RGS3: variants seen among roughly 807,000 people sequenced by gnomAD.
The protein encoded by RGS3 is regulator of G-protein signalling 3.
A neutral mutation model predicts 132.6 loss-of-function variants in RGS3; 80 were observed. The ratio of observed to expected loss-of-function variants is 0.60; its 90% CI spans 0.50 to 0.73. The LOEUF (loss-of-function observed/expected upper bound fraction) is 0.73. Among genes scored for constraint, RGS3 ranks in the 30% least tolerant of loss-of-function variants. RGS3 has a pLI of 0.00. For missense variants in RGS3, 1,382 were observed against 1,530.8 expected (o/e 0.90, Z 1.62); for synonymous variants, 598 against 620.6 (o/e 0.96, Z 0.54).
intron 3 of RGS3, among the ~76,000 whole-genome samples, chr9:113,476,641 C>T (rs1165242299): frequency 1.3e-5 from 2 of 152,272 alleles, no homozygotes; most frequent in Non-Finnish European, 2.9e-5. Context: ...AATCCCGAGT[C>T]AGCCTTTGCC....
intron 17 of RGS3, among the ~76,000 whole-genome samples, chr9:113,527,837 A>G (rs1255966632): frequency 6.6e-6 from 1 of 152,056 alleles, no homozygotes; most frequent in African/African-American, 2.4e-5. Flanking sequence ...CTTTACTTCA[A>G]GTATGTGTTA....
At chr9:113,587,630 A>C in intron 20 of RGS3, among the ~76,000 whole-genome samples, 1 of 152,226 alleles carries the variant, frequency 6.6e-6, no homozygotes. Context: ...GCTGCCTGCC[A>C]CAGGGTGACA....
chr9:113,569,119 C>T (rs539062978), intron 19 of RGS3, among the ~76,000 whole-genome samples: 8 of 152,348 alleles, frequency 5.3e-5, no homozygotes, highest in African/African-American at 1.7e-4. Context: ...GTGGCTCAGG[C>T]TGCTGCCGGA....
At chr9:113,462,875 G>T (rs1014858806) in intron 3 of RGS3, among the ~76,000 whole-genome samples, 2 of 152,172 alleles carry the variant, frequency 1.3e-5, no homozygotes, top group Admixed American at 6.5e-5. Flanking sequence ...CCCATTTTTA[G>T]ATTTACACGA....
intron 19 of RGS3, among the ~76,000 whole-genome samples, chr9:113,560,109 GCTCT>G (rs1461731323): frequency 6.6e-6 from 1 of 152,210 alleles, no homozygotes; most frequent in Non-Finnish European, 1.5e-5. Flanking sequence ...CAAAGACTGT[GCTCT>G]CTCTAAATTC....
intron 23 of RGS3, 83 bp downstream of exon 21, chr9:113,595,063 TAG>T: frequency 2.2e-6 from 3 of 1,346,290 alleles, no homozygotes; most frequent in Non-Finnish European, 3.2e-6. Flanking sequence ...TAGCTGGTGC[TAG>T]AGAGGCCGCC....
chr9:113,449,366 A>T (rs1829188745), intron 1 of RGS3, among the ~76,000 whole-genome samples: 1 of 152,230 alleles, frequency 6.6e-6, no homozygotes, highest in Non-Finnish European at 1.5e-5. Context: ...TGAAGTCAAG[A>T]GGAAGAACCA....
chr9:113,553,459 A>AAAAAAAAAAATATAT (rs1426114805), intron 19 of RGS3, among the ~76,000 whole-genome samples: 7 of 58,696 alleles, frequency 1.2e-4, no homozygotes, highest in East Asian at 4.3e-4. Context: ...AAAAAAAAAA[A>AAAAAAAAAAATATAT]ATATATATAT....
intron 19 of RGS3, chr9:113,541,408 G>C (rs1322525075): frequency 1.2e-6 from 2 of 1,613,770 alleles, no homozygotes; most frequent in Non-Finnish European, 1.7e-6. Context: ...ACCTCACCAG[G>C]ACAGACTCTG....
intron 19 of RGS3, chr9:113,570,216 G>C (rs1834226216): frequency 6.6e-6 from 1 of 152,226 alleles, no homozygotes; most frequent in Non-Finnish European, 1.5e-5. Flanking sequence ...TCTGTGTCCT[G>C]ATAGCAGTGG....
intron 19 of RGS3, among the ~76,000 whole-genome samples, chr9:113,543,719 A>C (rs1564550088): frequency 3.3e-5 from 5 of 152,186 alleles, no homozygotes; most frequent in African/African-American, 7.2e-5. Context: ...AGAGGACAGG[A>C]GCTCTGGCCA....
chr9:113,558,374 G>A (rs566731563), intron 19 of RGS3, among the ~76,000 whole-genome samples: 1 of 152,160 alleles, frequency 6.6e-6, no homozygotes, highest in South Asian at 2.1e-4. Context: ...GTGGTGGTGG[G>A]CGCCTGTAAT....
chr9:113,457,999 A>G (rs1015793800), upstream of RGS3, among the ~76,000 whole-genome samples: 1 of 152,218 alleles, frequency 6.6e-6, no homozygotes, highest in African/African-American at 2.4e-5. Context: ...TCAAAGGTAA[A>G]AATCTCTTCA....
At chr9:113,576,543 T>A (rs571569665) in intron 19 of RGS3, among the ~76,000 whole-genome samples, 119 of 152,206 alleles carry the variant, frequency 7.8e-4, no homozygotes, top group Non-Finnish European at 1.4e-3. Flanking sequence ...TGTTGGCCAG[T>A]ATGGTCTCGA....
At chr9:113,581,510 A>C (rs1385658314) in intron 19 of RGS3, 2 of 152,238 alleles carry the variant, frequency 1.3e-5, no homozygotes, top group South Asian at 4.1e-4. Flanking sequence ...ATTTCCCTCT[A>C]GATCAATGCT....
chr9:113,549,437 C>CTTTG (rs754381387), intron 19 of RGS3, among the ~76,000 whole-genome samples: 6 of 151,758 alleles, frequency 4.0e-5, no homozygotes, highest in African/African-American at 7.3e-5. Context: ...TGTTTTTTTT[C>CTTTG]TTTGTTTGTT....
At chr9:113,544,234 A>G (rs1833014544) in intron 19 of RGS3, among the ~76,000 whole-genome samples, 1 of 151,884 alleles carries the variant, frequency 6.6e-6, no homozygotes. Context: ...CCATCTGTGC[A>G]ACTTGAATAC....
At chr9:113,575,854 C>T (rs776674476) in intron 19 of RGS3, among the ~76,000 whole-genome samples, 7 of 152,234 alleles carry the variant, frequency 4.6e-5, no homozygotes, top group South Asian at 2.1e-4. Flanking sequence ...TGTACTTCTC[C>T]GTTAAGAACC....
chr9:113,535,003 C>A (rs928289351), intron 18 of RGS3, among the ~76,000 whole-genome samples: 7 of 152,042 alleles, frequency 4.6e-5, no homozygotes, highest in Admixed American at 4.6e-4. Flanking sequence ...TATATTATTT[C>A]TTTAATTGTT....
Sources: gnomAD v4.1 joint callset for allele counts (sites outside exome capture counted in the v4.1 genomes callset) on GRCh38, gnomAD v4.1.1 for gene constraint, MANE v1.5 for transcripts, NCBI Gene and HGNC (gene_info 2026-07-23, HGNC 2026-07-21) for gene names.